PTPRJ: variants seen among roughly 807,000 people sequenced by gnomAD.
PTPRJ encodes the protein protein tyrosine phosphatase receptor type J, also known as receptor-type tyrosine-protein phosphatase eta.
PTPRJ carries 129 observed loss-of-function variants against 141.3 expected under a neutral mutation model. The observed-to-expected ratio is 0.91, with a 90% CI of 0.79 to 1.06. The LOEUF is 1.06. Ranked by LOEUF, PTPRJ falls within the 50% of genes least tolerant of loss-of-function variation. The probability of loss-of-function intolerance (pLI) is 0.00; values close to 1 mark genes in which losing one functional copy is unlikely to be tolerated. For missense variants in PTPRJ, 1,601 were observed against 1,679.7 expected (o/e 0.95, Z 0.82); for synonymous variants, 610 against 640.5 (o/e 0.95, Z 0.72).
At chr11:47,995,659 G>T (rs1225305797) in intron 1 of PTPRJ, among the ~76,000 whole-genome samples, 1 of 152,212 alleles carries the variant, frequency 6.6e-6, no homozygotes, top group East Asian at 1.9e-4. Flanking sequence ...ATGTTGGGGT[G>T]TGGGCCTTCC....
intron 1 of PTPRJ, among the ~76,000 whole-genome samples, chr11:48,049,081 C>T (rs1202191596): frequency 6.6e-6 from 1 of 152,082 alleles, no homozygotes; most frequent in Non-Finnish European, 1.5e-5. Context: ...AGTAAGCTTC[C>T]AGGTTCTGGT....
intron 1 of PTPRJ, among the ~76,000 whole-genome samples, chr11:48,091,102 G>A (rs2134298704): frequency 6.6e-6 from 1 of 152,322 alleles, no homozygotes; most frequent in African/African-American, 2.4e-5. Context: ...GAAAGGCGGA[G>A]GGTGTGTGGG....
intron 1 of PTPRJ, among the ~76,000 whole-genome samples, chr11:48,072,868 A>G (rs923327997): frequency 3.3e-5 from 5 of 152,192 alleles, no homozygotes; most frequent in African/African-American, 9.7e-5. Flanking sequence ...TTAAAACCCC[A>G]TGGTTTCTTG....
intron 1 of PTPRJ, among the ~76,000 whole-genome samples, chr11:48,025,726 A>G (rs1853788614): frequency 6.6e-6 from 1 of 152,324 alleles, no homozygotes; most frequent in East Asian, 1.9e-4. Flanking sequence ...CTGGCATTCA[A>G]GGTCTTCCAT....
Position 48,142,924 on chromosome 11 carries a change from C to G in PTPRJ, c.2449C>G (p.Pro817Ala). 6.2e-7 allele frequency: 1 copy of G among 1,613,480 alleles called. No individual in the cohort carries two copies. The highest frequency in any genetic ancestry group is 8.5e-7 in the Non-Finnish European group (1 of 1,179,664). Residue 817 changes from proline to alanine, a missense_variant, in exon 12 of 25, where the codon CCT (proline) becomes GCT (alanine). Physicochemically the swap from Pro to Ala is conservative, Grantham distance 27. Transcript: ENST00000418331. ...NTCTTGITDP[P>A]PPDGSPNITS... ...TTTGTTTTGTTTTGTTTTAGATCCC[C>G]CTCCTCCAGATGGATCCCCTAATAT...
At chr11:48,114,248 G>A (rs951368446) in intron 3 of PTPRJ, among the ~76,000 whole-genome samples, 5 of 151,842 alleles carry the variant, frequency 3.3e-5, no homozygotes, top group Admixed American at 3.3e-4. Context: ...GGCCAGCCTG[G>A]CCAACATGGC....
chr11:48,152,074 G>C (rs971444684), intron 18 of PTPRJ, among the ~76,000 whole-genome samples: 2 of 152,208 alleles, frequency 1.3e-5, no homozygotes, highest in African/African-American at 4.8e-5. Flanking sequence ...CAGTGTAAAA[G>C]TGTTGCTATT....
At chr11:48,095,464 GA>G (rs1333917723) in intron 1 of PTPRJ, among the ~76,000 whole-genome samples, 2 of 152,174 alleles carry the variant, frequency 1.3e-5, no homozygotes, top group Non-Finnish European at 2.9e-5. Context: ...GGGAGAGAGA[GA>G]GAGAAGGGTA....
chr11:47,990,322 A>G (rs760291329), intron 1 of PTPRJ, among the ~76,000 whole-genome samples: 3 of 152,364 alleles, frequency 2.0e-5, no homozygotes, highest in Non-Finnish European at 4.4e-5. Flanking sequence ...ATACTTGTGT[A>G]TCAGAAGAGA....
chr11:48,092,164 G>A (rs1197475972), intron 1 of PTPRJ, among the ~76,000 whole-genome samples: 11 of 151,682 alleles, frequency 7.3e-5, no homozygotes, highest in Admixed American at 5.9e-4. Context: ...GGATGGTGGT[G>A]CATGCCTGTA....
intron 1 of PTPRJ, among the ~76,000 whole-genome samples, chr11:48,032,383 C>T (rs992898252): frequency 6.6e-5 from 10 of 152,222 alleles, no homozygotes; most frequent in African/African-American, 2.2e-4. Flanking sequence ...TTCAATACTT[C>T]TTAAGAACTT....
At chr11:48,121,393 T>C in intron 4 of PTPRJ, 127 bp downstream of exon 4, 1 of 1,050,168 alleles carries the variant, frequency 9.5e-7, no homozygotes, top group Non-Finnish European at 1.4e-6. Flanking sequence ...GGAGAAAAGG[T>C]GCTATGTTGT....
At chr11:47,999,908 G>A (rs1174977866) in intron 1 of PTPRJ, among the ~76,000 whole-genome samples, 1 of 137,288 alleles carries the variant, frequency 7.3e-6, no homozygotes, top group Non-Finnish European at 1.5e-5. Context: ...CCAGGCTGGA[G>A]TGCAGTGGTG....
At chr11:48,110,035 TC>T (rs35844937) in intron 1 of PTPRJ, 22 bp from the exon 2 acceptor site, 135 of 1,613,594 alleles carry the variant, frequency 8.4e-5, no homozygotes, top group Non-Finnish European at 1.1e-4. Flanking sequence ...TCTGCTGACT[TC>T]CGTTTTCTTT....
At chr11:48,130,807 C>G (rs61915918) in intron 8 of PTPRJ, 91 bp downstream of exon 8, 54,630 of 1,314,830 alleles carry the variant, frequency 0.042, 1,325 homozygotes, top group Non-Finnish European at 0.047. Context: ...TATTGTTTTT[C>G]TTTTAATTAT....
intron 1 of PTPRJ, among the ~76,000 whole-genome samples, chr11:48,063,115 G>T (rs953817740): frequency 3.3e-5 from 5 of 152,288 alleles, no homozygotes; most frequent in African/African-American, 1.2e-4. Context: ...ATCACCTGAG[G>T]TCGGGAGTTT....
chr11:48,092,308 A>AAG (rs1356247093), intron 1 of PTPRJ, among the ~76,000 whole-genome samples: 2 of 150,392 alleles, frequency 1.3e-5, no homozygotes, highest in Non-Finnish European at 3.0e-5. Flanking sequence ...AAAAAAAAAA[A>AAG]AAAAAAAAAG....
At chr11:48,023,009 G>A (rs557897030) in intron 1 of PTPRJ, among the ~76,000 whole-genome samples, 1 of 152,172 alleles carries the variant, frequency 6.6e-6, no homozygotes, top group East Asian at 1.9e-4. Flanking sequence ...AGGGCGGTGG[G>A]TAAAAGCCGT....
At chr11:48,025,086 G>C (rs1853771124) in intron 1 of PTPRJ, among the ~76,000 whole-genome samples, 2 of 152,212 alleles carry the variant, frequency 1.3e-5, no homozygotes, top group South Asian at 4.1e-4. Context: ...CAGGCTATGG[G>C]ATCTGGGAAA....
Sources: allele counts gnomAD v4.1 joint callset (sites outside exome capture counted in the v4.1 genomes callset), GRCh38; gene constraint gnomAD v4.1.1; transcripts MANE v1.5; gene names NCBI Gene and HGNC (gene_info 2026-07-23, HGNC 2026-07-21).